Variants in COX7B2 observed in about 807,000 individuals in gnomAD.
COX7B2 encodes the protein cytochrome c oxidase subunit 7B2, also known as cytochrome c oxidase subunit 7B2, mitochondrial.
For synonymous variants in COX7B2, 37 were observed against 32.1 expected (o/e 1.15, Z -0.51); for missense variants, 109 against 95.9 (o/e 1.14, Z -0.57).
At chr4:46,838,098 A>ATTT (rs1715658823) in intron 2 of COX7B2, among the ~76,000 whole-genome samples, 3 of 152,066 alleles carry the variant, frequency 2.0e-5, no homozygotes, top group African/African-American at 4.8e-5. Flanking sequence ...CAAGCAAAAT[A>ATTT]GTTTCAAAAA....
At chr4:46,900,401 G>GT (rs970120022) in intron 1 of COX7B2, among the ~76,000 whole-genome samples, 3 of 152,090 alleles carry the variant, frequency 2.0e-5, no homozygotes, top group African/African-American at 7.2e-5. Flanking sequence ...GAGAAAATCT[G>GT]TTTTTTCTTG....
At chr4:46,872,979 C>G (rs1276656987) in intron 1 of COX7B2, among the ~76,000 whole-genome samples, 1 of 150,912 alleles carries the variant, frequency 6.6e-6, no homozygotes, top group Non-Finnish European at 1.5e-5. Context: ...CCTAGCCCCC[C>G]ACCCCCCAAC....
intron 2 of COX7B2, among the ~76,000 whole-genome samples, chr4:46,789,412 T>G (rs1217101006): frequency 6.6e-6 from 1 of 152,148 alleles, no homozygotes. Flanking sequence ...TCAAAAAAAT[T>G]TTTAAATCTT....
intron 2 of COX7B2, among the ~76,000 whole-genome samples, chr4:46,754,728 G>GTATGTATATATATATATATATATATA (rs1715662590): frequency 7.5e-5 from 3 of 39,868 alleles, no homozygotes; most frequent in South Asian, 3.9e-3. Flanking sequence ...GTGTGTGTGT[G>GTATGTATATATATATATATATATATA]TATATATATA....
chr4:46,828,175 T>C (rs1714824301), intron 2 of COX7B2, among the ~76,000 whole-genome samples: 1 of 152,140 alleles, frequency 6.6e-6, no homozygotes, highest in Admixed American at 6.5e-5. Flanking sequence ...CTGCTCAATG[T>C]AAAGTTCAAA....
rs867333511 is a variant in COX7B2 at position 46,825,437 on chromosome 4, A to T, written c.-50+19523T>A. On this transcript the variant is annotated intron_variant, in intron 2 of 2. Coordinates refer to ENST00000355591, the MANE Select transcript of COX7B2 (RefSeq NM_130902.3). ...GCTCATAGAAGGAAGAATCCATGTTATTAAAATGGCCATACTGCCCAAAGC... is the reference window on the plus strand; with the variant it reads ...GCTCATAGAAGGAAGAATCCATGTTTTTAAAATGGCCATACTGCCCAAAGC... Among the ~76,000 whole-genome samples the T allele has an allele frequency of 2.0e-5, 3 of 152,262 alleles. No individual in the cohort carries two copies. The South Asian group carries it at 6.2e-4, about 32-fold the overall frequency.
At chr4:46,797,536 T>C (rs572530193) in intron 2 of COX7B2, among the ~76,000 whole-genome samples, 1 of 152,310 alleles carries the variant, frequency 6.6e-6, no homozygotes, top group South Asian at 2.1e-4. Flanking sequence ...AGTGCTATTA[T>C]AGTGGGAGAA....
chr4:46,773,471 A>G (rs553455586), intron 2 of COX7B2, among the ~76,000 whole-genome samples: 1 of 152,250 alleles, frequency 6.6e-6, no homozygotes, highest in East Asian at 1.9e-4. Flanking sequence ...CTGAACTGTG[A>G]GTCAATTAAA....
intron 1 of COX7B2, among the ~76,000 whole-genome samples, chr4:46,893,563 G>T (rs1425749145): frequency 6.6e-6 from 1 of 152,200 alleles, no homozygotes; most frequent in East Asian, 1.9e-4. Flanking sequence ...AATAGCTGTG[G>T]CAGCTATTGC....
At chr4:46,746,804 A>G (rs765333450) in intron 2 of COX7B2, among the ~76,000 whole-genome samples, 2 of 152,206 alleles carry the variant, frequency 1.3e-5, no homozygotes, top group Non-Finnish European at 2.9e-5. Flanking sequence ...AACCCTAAAT[A>G]GCACTACTTT....
chr4:46,885,380 T>TC (rs1404057113), intron 1 of COX7B2, among the ~76,000 whole-genome samples: 1 of 152,160 alleles, frequency 6.6e-6, no homozygotes, highest in African/African-American at 2.4e-5. Flanking sequence ...GAAACATTCC[T>TC]CTTCTTCTCA....
chr4:46,832,904 CTT>C (rs370738031), intron 2 of COX7B2, among the ~76,000 whole-genome samples: 3 of 147,186 alleles, frequency 2.0e-5, no homozygotes, highest in African/African-American at 7.5e-5. Context: ...AACTGTGAGC[CTT>C]TTTTTTTTTC....
At chr4:46,864,234 G>A (rs1124442) in intron 1 of COX7B2, among the ~76,000 whole-genome samples, 56,967 of 151,952 alleles carry the variant, frequency 0.37, 10,821 homozygotes, top group South Asian at 0.49. Flanking sequence ...AGCTTCAGGG[G>A]ATCACCAGCT....
At chr4:46,759,876 CATATCTT>C (rs1716039198) in intron 2 of COX7B2, among the ~76,000 whole-genome samples, 1 of 148,874 alleles carries the variant, frequency 6.7e-6, no homozygotes, top group Admixed American at 6.8e-5. Context: ...TTATATAAGT[CATATCTT>C]ATATAAGTTA....
chr4:46,876,799 A>G lies in COX7B2; in HGVS notation c.-104-31785T>C, dbSNP rs532474608. 45 of 152,380 alleles carry G rather than the reference A, an allele frequency of 3.0e-4. 1 individual carries two copies. The highest frequency in any genetic ancestry group is 2.2e-3 in the Admixed American group (33 of 15,308). 9.4% of individuals were successfully genotyped at this position (152,380 alleles called of 1,614,324 possible). On this transcript the variant is annotated intron_variant, in intron 1 of 2. Coordinates refer to ENST00000355591, the MANE Select transcript of COX7B2 (RefSeq NM_130902.3). Reference sequence around the variant, plus strand: ...TGTGTTAAGATGAGAGAATTAAAAGATAAGTCCAACTGTCAATATTCTCCT... The same window carrying G: ...TGTGTTAAGATGAGAGAATTAAAAGGTAAGTCCAACTGTCAATATTCTCCT...
intron 2 of COX7B2, among the ~76,000 whole-genome samples, chr4:46,824,889 A>C (rs184299006): frequency 1.3e-5 from 2 of 152,234 alleles, no homozygotes; most frequent in East Asian, 3.9e-4. Flanking sequence ...CCTAAAAATA[A>C]TAGAAGCCGT....
intron 1 of COX7B2, among the ~76,000 whole-genome samples, chr4:46,847,789 A>G (rs1716390979): frequency 6.6e-6 from 1 of 152,050 alleles, no homozygotes; most frequent in Non-Finnish European, 1.5e-5. Context: ...GCTTTCTCAG[A>G]GAGGAATAGA....
chr4:46,806,099 A>G (rs748628618), intron 2 of COX7B2, among the ~76,000 whole-genome samples: 1 of 152,092 alleles, frequency 6.6e-6, no homozygotes, highest in East Asian at 1.9e-4. Flanking sequence ...TTGTTATTGC[A>G]TATTCATCTT....
At chr4:46,751,995 A>G (rs1715413295) in intron 2 of COX7B2, among the ~76,000 whole-genome samples, 1 of 152,134 alleles carries the variant, frequency 6.6e-6, no homozygotes, top group Non-Finnish European at 1.5e-5. Flanking sequence ...TTGAATCTAT[A>G]AGTTACCTTG....
Sources: gnomAD v4.1 joint callset for allele counts (sites outside exome capture counted in the v4.1 genomes callset) on GRCh38, gnomAD v4.1.1 for gene constraint, MANE v1.5 for transcripts, NCBI Gene and HGNC (gene_info 2026-07-23, HGNC 2026-07-21) for gene names.